GRM5: variants seen among roughly 807,000 people sequenced by gnomAD.
The protein encoded by GRM5 is metabotropic glutamate receptor 5.
GRM5 carries 19 observed loss-of-function variants against 83.1 expected under a neutral mutation model. The ratio of observed to expected loss-of-function variants is 0.23; its 90% CI spans 0.16 to 0.34. The LOEUF is 0.34. Ranked by LOEUF, GRM5 falls within the 10% of genes least tolerant of loss-of-function variation. The pLI is 1.00. For synonymous variants in GRM5, 675 were observed against 633.6 expected (o/e 1.07, Z -0.98); for missense variants, 1,160 against 1,588.3 (o/e 0.73, Z 4.58).
chr11:88,585,197 A>G (rs1048650081), intron 7 of GRM5, among the ~76,000 whole-genome samples: 6 of 152,192 alleles, frequency 3.9e-5, no homozygotes, highest in Admixed American at 3.3e-4. Flanking sequence ...AACCTAGCAT[A>G]CGAACAGCCA....
At chr11:88,957,168 G>A (rs1432553034) in intron 2 of GRM5, among the ~76,000 whole-genome samples, 1 of 152,202 alleles carries the variant, frequency 6.6e-6, no homozygotes, top group Non-Finnish European at 1.5e-5. Context: ...CTTGAACGAT[G>A]AGTAGGAATT....
intron 3 of GRM5, among the ~76,000 whole-genome samples, chr11:88,706,719 A>AT (rs1023991009): frequency 1.6e-4 from 24 of 152,100 alleles, no homozygotes; most frequent in South Asian, 4.1e-4. Flanking sequence ...GCCTTTAAGT[A>AT]TTTTTTTATT....
chr11:88,916,939 C>T (rs555998199), intron 2 of GRM5, among the ~76,000 whole-genome samples: 9 of 152,114 alleles, frequency 5.9e-5, no homozygotes, highest in African/African-American at 1.2e-4. Flanking sequence ...AAGACCTAGG[C>T]GTGGCAGGAT....
At chr11:88,989,303 A>G (rs1180527310) in intron 2 of GRM5, among the ~76,000 whole-genome samples, 2 of 144,050 alleles carry the variant, frequency 1.4e-5, no homozygotes, top group Non-Finnish European at 1.5e-5. Flanking sequence ...TTCAACAAGA[A>G]GAGCTAACTA....
intron 6 of GRM5, among the ~76,000 whole-genome samples, chr11:88,592,727 C>G (rs952908424): frequency 2.0e-5 from 3 of 152,130 alleles, no homozygotes; most frequent in Non-Finnish European, 2.9e-5. Flanking sequence ...ATTTTATGTT[C>G]TGTTTCACAT....
intron 2 of GRM5, among the ~76,000 whole-genome samples, chr11:88,918,160 G>A (rs1244568699): frequency 6.6e-6 from 1 of 151,508 alleles, no homozygotes; most frequent in East Asian, 1.9e-4. Context: ...CACACCAGGA[G>A]AGAGTGGCAT....
rs72639185 is a variant in GRM5 at position 88,654,477 on chromosome 11, G to A, written c.912-1074C>T. On this transcript the variant is annotated intron_variant, in intron 3 of 9. Transcript: ENST00000305447. ...CTGTCTTTCCCTGGAAGAAGTGCAA[G>A]TGCTTGTAAAGGAAGTATGGGGAAA... Among the ~76,000 whole-genome samples, 1,582 of 152,122 alleles carry A rather than the reference G, an allele frequency of 0.01. 48 individuals carry two copies. The East Asian group carries it at 0.12, about 11-fold the overall frequency.
chr11:88,893,030 TC>T (rs1208279320), intron 2 of GRM5, among the ~76,000 whole-genome samples: 1 of 151,872 alleles, frequency 6.6e-6, no homozygotes, highest in Non-Finnish European at 1.5e-5. Flanking sequence ...CCTCTACTAT[TC>T]ACAGTAGGGC....
intron 9 of GRM5, among the ~76,000 whole-genome samples, chr11:88,515,178 C>T (rs1219977227): frequency 1.3e-5 from 2 of 152,054 alleles, no homozygotes; most frequent in African/African-American, 2.4e-5. Flanking sequence ...GGAGCAAGCA[C>T]CTTAACAAAG....
At chr11:88,623,531 C>A (rs1440824118) in intron 4 of GRM5, among the ~76,000 whole-genome samples, 1 of 152,150 alleles carries the variant, frequency 6.6e-6, no homozygotes, top group African/African-American at 2.4e-5. Flanking sequence ...TGATGGACCC[C>A]TTATTTTACC....
chr11:88,864,812 T>C (rs777686353), intron 2 of GRM5, among the ~76,000 whole-genome samples: 2 of 152,200 alleles, frequency 1.3e-5, no homozygotes, highest in African/African-American at 2.4e-5. Context: ...TTCTCATAAA[T>C]AGCTCTCATT....
chr11:88,597,172 A>T lies in GRM5; in HGVS notation c.1563+12T>A. 1 of 1,498,170 alleles carries T rather than the reference A, an allele frequency of 6.7e-7. No individual in the cohort carries two copies. 92.8% of individuals were successfully genotyped at this position (1,498,170 alleles called of 1,614,324 possible). A position where few individuals can be genotyped will look rare whatever the true frequency, so the allele number is the denominator to read the frequency against. ...TACAACAAAAATGAAAGAAACATAG[A>T]TTCCATTTTACCTTGATCTGGCCTT... On this transcript the variant is annotated intron_variant, in intron 6 of 9. Transcript: ENST00000305447.
chr11:88,527,767 G>T (rs1315719145), intron 8 of GRM5, among the ~76,000 whole-genome samples: 3 of 152,012 alleles, frequency 2.0e-5, no homozygotes, highest in Non-Finnish European at 4.4e-5. Context: ...GTCATAAAAA[G>T]AATGAGATCA....
chr11:89,031,003 A>C (rs1224114925), intron 2 of GRM5, among the ~76,000 whole-genome samples: 1 of 152,052 alleles, frequency 6.6e-6, no homozygotes, highest in Admixed American at 6.6e-5. Flanking sequence ...AGTAGAACTT[A>C]TGAAGAAAGA....
At chr11:88,940,126 G>A (rs1430478966) in intron 2 of GRM5, among the ~76,000 whole-genome samples, 1 of 151,862 alleles carries the variant, frequency 6.6e-6, no homozygotes, top group African/African-American at 2.4e-5. Flanking sequence ...AAATACGCCT[G>A]CCCAAATGAA....
At chr11:88,971,102 T>C (rs1343838748) in intron 2 of GRM5, among the ~76,000 whole-genome samples, 1 of 152,114 alleles carries the variant, frequency 6.6e-6, no homozygotes, top group Non-Finnish European at 1.5e-5. Context: ...TATTTCTCAT[T>C]GTTGAAAATG....
intron 3 of GRM5, among the ~76,000 whole-genome samples, chr11:88,673,961 C>T (rs945458967): frequency 4.0e-5 from 6 of 151,058 alleles, no homozygotes; most frequent in Non-Finnish European, 7.4e-5. Context: ...GTGTTTGGAA[C>T]AAGCAGATGT....
At chr11:88,758,715 A>G (rs1942448537) in intron 3 of GRM5, among the ~76,000 whole-genome samples, 1 of 152,164 alleles carries the variant, frequency 6.6e-6, no homozygotes. Flanking sequence ...CAGAGAGGCA[A>G]ATGTTTATAT....
At chr11:88,932,387 A>G (rs1214886378) in intron 2 of GRM5, among the ~76,000 whole-genome samples, 2 of 152,026 alleles carry the variant, frequency 1.3e-5, no homozygotes, top group African/African-American at 4.8e-5. Flanking sequence ...TAATCATATA[A>G]TAACACACTA....
Sources: gnomAD v4.1 joint callset for allele counts (sites outside exome capture counted in the v4.1 genomes callset) on GRCh38, gnomAD v4.1.1 for gene constraint, MANE v1.5 for transcripts, NCBI Gene and HGNC (gene_info 2026-07-23, HGNC 2026-07-21) for gene names.